Variants in OR51B5 observed in about 807,000 individuals in gnomAD.
OR51B5 encodes olfactory receptor 51B5.
For synonymous variants in OR51B5, 186 were observed against 144.8 expected (o/e 1.28, Z -2.04); for missense variants, 456 against 374.6 (o/e 1.22, Z -1.79).
At chr11:5,467,203 C>G (rs1851150334) in intron 1 of OR51B5, among the ~76,000 whole-genome samples, 1 of 152,134 alleles carries the variant, frequency 6.6e-6, no homozygotes, top group South Asian at 2.1e-4. Flanking sequence ...ACAGTCCTCT[C>G]CAATTGGGGG....
chr11:5,498,837 C>A (rs1851684670), intron 1 of OR51B5, among the ~76,000 whole-genome samples: 1 of 152,150 alleles, frequency 6.6e-6, no homozygotes, highest in Non-Finnish European at 1.5e-5. Flanking sequence ...AAATTCCAGT[C>A]TGACCAATAA....
intron 1 of OR51B5, among the ~76,000 whole-genome samples, chr11:5,494,562 A>T (rs11037801): frequency 0.25 from 37,319 of 152,112 alleles, 5,556 homozygotes; most frequent in Non-Finnish European, 0.33. Context: ...AAGTAACAAT[A>T]ATCAACTTGC....
rs549817372 is a variant in OR51B5 at position 5,447,398 on chromosome 11, T to TA, written n.84+58170dup. ...CCACTGGTTGGGCTCACTTTGGCTG[T>TA]AGTTCTAGTAACCCCACCTTTGGCT... On this transcript the variant is annotated intron_variant and non_coding_transcript_variant, in intron 1 of 4. Coordinates refer to the OR51B5 transcript ENST00000415970. 6.0e-4 allele frequency among the ~76,000 whole-genome samples: 91 copies of TA among 152,352 alleles called. 3 individuals are homozygous for TA. In the South Asian group the frequency reaches 0.018, roughly 29 times the overall value.
At chr11:5,409,818 A>C (rs1456094398) in intron 1 of OR51B5, among the ~76,000 whole-genome samples, 1 of 152,180 alleles carries the variant, frequency 6.6e-6, no homozygotes, top group African/African-American at 2.4e-5. Flanking sequence ...AGGTCCACAT[A>C]GTTTATGAAA....
chr11:5,444,501 G>T (rs1850734658), intron 1 of OR51B5, among the ~76,000 whole-genome samples: 1 of 152,124 alleles, frequency 6.6e-6, no homozygotes, highest in Non-Finnish European at 1.5e-5. Context: ...ATTTAGAAGG[G>T]GAGATATAAG....
chr11:5,502,270 C>A (rs538425341), intron 1 of OR51B5, among the ~76,000 whole-genome samples: 144 of 152,304 alleles, frequency 9.5e-4, no homozygotes, highest in African/African-American at 3.3e-3. Flanking sequence ...ACCTTGCACT[C>A]ACCTGTCTTT....
At chr11:5,488,805 T>G in intron 1 of OR51B5, 1 of 1,614,050 alleles carries the variant, frequency 6.2e-7, no homozygotes, top group Non-Finnish European at 8.5e-7. Context: ...TTGCCATCCC[T>G]TTCTGTGCCA....
In OR51B5 at chr11:5,491,144, C is replaced by T. The variant is rs538269941; in HGVS notation, n.84+14425G>A. Among the ~76,000 whole-genome samples the T allele has an allele frequency of 9.2e-5, 14 of 152,274 alleles. No homozygotes were observed. In the South Asian group the frequency reaches 2.1e-3, roughly 23 times the overall value. On this transcript the variant is annotated intron_variant and non_coding_transcript_variant, in intron 1 of 4. Transcript: ENST00000415970. ...ATGAATAAATACTGTCTTCATTATG[C>T]TAATGTGTAGGGTAATGAAAATATA...
In OR51B5 at chr11:5,398,043, G is replaced by A. The variant is rs528138694; in HGVS notation, n.85-51133C>T. On this transcript the variant is annotated intron_variant and non_coding_transcript_variant, in intron 1 of 4. Coordinates refer to the OR51B5 transcript ENST00000415970. The stretch of plus-strand genomic sequence containing the variant: ...AGGAAGGGGAACATCACACACCGGG[G>A]CCTGTTGTGGGGTGGGAGGAGGGGG... Among the ~76,000 whole-genome samples the A allele has an allele frequency of 6.6e-5, 10 of 152,194 alleles. No individual in the cohort carries two copies. In the South Asian group the frequency reaches 2.1e-3, roughly 32 times the overall value.
intron 1 of OR51B5, chr11:5,489,807 G>C: frequency 3.0e-6 from 2 of 661,474 alleles, no homozygotes; most frequent in Non-Finnish European, 5.3e-6. Flanking sequence ...AGATGAATCA[G>C]AGCTATCAAT....
intron 1 of OR51B5, among the ~76,000 whole-genome samples, chr11:5,459,454 T>C (rs1442817518): frequency 2.6e-5 from 4 of 152,226 alleles, no homozygotes; most frequent in African/African-American, 9.6e-5. Flanking sequence ...GGTTTTGTTA[T>C]CAGGATGACA....
intron 1 of OR51B5, among the ~76,000 whole-genome samples, chr11:5,350,627 A>G (rs1476711966): frequency 1.3e-5 from 2 of 152,088 alleles, no homozygotes; most frequent in Admixed American, 1.3e-4. Context: ...CTAAATTACC[A>G]ATTTTTATTT....
chr11:5,488,577 AAATT>A lies in OR51B5; in HGVS notation n.84+16988_84+16991del. 6 of 727,566 alleles carry A rather than the reference AAATT, an allele frequency of 8.2e-6. No homozygotes were observed. In the Admixed American group the frequency reaches 1.7e-4, roughly 21 times the overall value. 45.1% of individuals were successfully genotyped at this position (727,566 alleles called of 1,614,324 possible). A position where few individuals can be genotyped will look rare whatever the true frequency, so the allele number is the denominator to read the frequency against. On this transcript the variant is annotated intron_variant and non_coding_transcript_variant, in intron 1 of 4. Coordinates refer to the OR51B5 transcript ENST00000415970. ...TCAGATGTTTGTACAAGTGAAAAAC[AAATT>A]TTTTTAGTCTAAAAAAGATTATTTC... is the stretch of plus-strand genomic sequence containing the variant.
chr11:5,393,636 C>G (rs1462652947), intron 1 of OR51B5, among the ~76,000 whole-genome samples: 1 of 151,948 alleles, frequency 6.6e-6, no homozygotes, highest in Non-Finnish European at 1.5e-5. Context: ...ATGATAAATG[C>G]TAATGTTTAT....
At chr11:5,358,547 C>G (rs1849229925) in intron 1 of OR51B5, among the ~76,000 whole-genome samples, 1 of 152,150 alleles carries the variant, frequency 6.6e-6, no homozygotes, top group Non-Finnish European at 1.5e-5. Flanking sequence ...GAGTCACAGC[C>G]AAATTCTACC....
chr11:5,476,895 C>A (rs965932387), intron 1 of OR51B5, among the ~76,000 whole-genome samples: 2 of 152,116 alleles, frequency 1.3e-5, no homozygotes, highest in Non-Finnish European at 2.9e-5. Context: ...GTTTACCTAG[C>A]ACATTAACAG....
intron 1 of OR51B5, among the ~76,000 whole-genome samples, chr11:5,503,995 G>T (rs917149151): frequency 6.6e-6 from 1 of 152,020 alleles, no homozygotes; most frequent in African/African-American, 2.4e-5. Context: ...CCATAAACTA[G>T]GGATACTACT....
chr11:5,494,373 T>A (rs1421916263), intron 1 of OR51B5, among the ~76,000 whole-genome samples: 2 of 152,144 alleles, frequency 1.3e-5, no homozygotes, highest in East Asian at 3.9e-4. Flanking sequence ...TTCCCAAGCA[T>A]CACATGACGG....
chr11:5,372,384 C>T (rs1008477826), intron 1 of OR51B5, among the ~76,000 whole-genome samples: 3 of 152,160 alleles, frequency 2.0e-5, no homozygotes, highest in African/African-American at 4.8e-5. Context: ...ACATTCCCAC[C>T]AGCTATGCAC....
Sources: allele counts gnomAD v4.1 joint callset (sites outside exome capture counted in the v4.1 genomes callset), GRCh38; gene constraint gnomAD v4.1.1; transcripts MANE v1.5; gene names NCBI Gene and HGNC (gene_info 2026-07-23, HGNC 2026-07-21).